ADAMTS16: variants seen among roughly 807,000 people sequenced by gnomAD.
ADAMTS16 encodes the protein ADAM metallopeptidase with thrombospondin type 1 motif 16.
A neutral mutation model predicts 145.8 loss-of-function variants in ADAMTS16; 94 were observed. The ratio of observed to expected loss-of-function variants is 0.64; its 90% CI spans 0.55 to 0.77. ADAMTS16 has a LOEUF of 0.77. ADAMTS16 is among the 30% of genes least tolerant of loss of function. The pLI, the probability that ADAMTS16 is intolerant of heterozygous loss-of-function variation, is 0.00. For missense variants in ADAMTS16, 1,585 were observed against 1,591.5 expected (o/e 1.00, Z 0.07); for synonymous variants, 659 against 604.3 (o/e 1.09, Z -1.33).
chr5:5,302,393 A>C (rs543778055), intron 18 of ADAMTS16, among the ~76,000 whole-genome samples: 111 of 152,336 alleles, frequency 7.3e-4, no homozygotes, highest in Non-Finnish European at 1.3e-3. Context: ...AATGCCTGAT[A>C]ACTTACGCAA....
chr5:5,146,092 C>G, intron 2 of ADAMTS16, 38 bp from the exon 3 acceptor site: 1 of 1,558,096 alleles, frequency 6.4e-7, no homozygotes, highest in Admixed American at 1.7e-5. Flanking sequence ...CTCGGAATTC[C>G]GAAATGACTC....
chr5:5,225,961 C>T (rs1181144067), intron 11 of ADAMTS16, among the ~76,000 whole-genome samples: 5 of 120,524 alleles, frequency 4.1e-5, no homozygotes, highest in African/African-American at 1.4e-4. Context: ...CAACAGAGCT[C>T]TGTTTTAGGG....
At position 5,232,280 on chromosome 5, in the gene ADAMTS16, C is replaced by T. The variant is rs1204116267; in HGVS notation, c.1702-88C>T. 6.6e-6 allele frequency: 10 copies of T among 1,508,810 alleles called. No homozygotes were observed. The Admixed American group carries it at 1.4e-4, about 21-fold the overall frequency. 93.5% of individuals were successfully genotyped at this position (1,508,810 alleles called of 1,614,324 possible). ...ATGTCTGCATAGTTTACAAAATTCC[C>T]CACTGCTCAGCCTTATAGCAGTGAT... On this transcript the variant is annotated intron_variant, in intron 11 of 22. Coordinates refer to ENST00000274181, the MANE Select transcript of ADAMTS16 (RefSeq NM_139056.4).
intron 10 of ADAMTS16, among the ~76,000 whole-genome samples, chr5:5,219,900 A>G (rs115743672): frequency 0.01 from 1,539 of 152,318 alleles, 33 homozygotes; most frequent in African/African-American, 0.034. Context: ...CCCCAAAACT[A>G]AAACCTAAGA....
rs561266899 is a variant in ADAMTS16, at chr5:5,155,479, G to C, written c.501+9024G>C. 5.9e-5 allele frequency among the ~76,000 whole-genome samples: 9 copies of C among 152,332 alleles called. No individual in the cohort carries two copies. The South Asian group carries it at 1.9e-3, about 32-fold the overall frequency. ...CATTTGAGTACTGAAAAATTAAACA[G>C]AGAATATCAAAGCACCCTAGACAAC... On this transcript the variant is annotated intron_variant, in intron 3 of 22. Coordinates refer to ENST00000274181, the MANE Select transcript of ADAMTS16 (RefSeq NM_139056.4).
intron 9 of ADAMTS16, among the ~76,000 whole-genome samples, chr5:5,208,114 T>C (rs1035134907): frequency 2.0e-5 from 3 of 152,352 alleles, no homozygotes; most frequent in African/African-American, 7.2e-5. Context: ...TCTTCCCTAA[T>C]CTCTGGTATA....
At chr5:5,282,089 G>C (rs1051596863) in intron 18 of ADAMTS16, among the ~76,000 whole-genome samples, 3 of 147,296 alleles carry the variant, frequency 2.0e-5, no homozygotes, top group African/African-American at 7.5e-5. Context: ...ACCCTCATGA[G>C]TGGCTGGTTT....
chr5:5,191,155 C>T (rs1210388759), intron 7 of ADAMTS16, among the ~76,000 whole-genome samples: 1 of 152,176 alleles, frequency 6.6e-6, no homozygotes, highest in Non-Finnish European at 1.5e-5. Flanking sequence ...GACTTCTGCC[C>T]ATGTGTTTTC....
intron 3 of ADAMTS16, among the ~76,000 whole-genome samples, chr5:5,168,640 A>T (rs1434026551): frequency 7.0e-5 from 7 of 100,040 alleles, no homozygotes; most frequent in Admixed American, 2.2e-4. Flanking sequence ...TATAATATAT[A>T]TAATTATATT....
rs114190883 is a variant in ADAMTS16 at position 5,318,222 on chromosome 5, A to C, written c.3500A>C (p.Gln1167Pro). 1.6e-3 allele frequency: 2,478 copies of C among 1,571,540 alleles called. 32 individuals carry two copies. In the African/African-American group the frequency reaches 0.029, roughly 19 times the overall value. ...GRPASGCLLH[Q>P]KPSASLACNT... ...CCGGCCTCAGGCTGCCTCCTGCACC[A>C]GAAGCCTTCGGCCTCCCTGGCCTGC... The change falls in exon 22 of 23, where the codon CAG (glutamine) becomes CCG (proline). Residue 1167 changes from glutamine (Q) to proline (P), a missense_variant. Physicochemically the swap from Gln to Pro is moderately conservative, Grantham distance 76 (BLOSUM62 -1). Transcript: ENST00000274181.
intron 17 of ADAMTS16, among the ~76,000 whole-genome samples, chr5:5,257,198 G>T (rs1050970155): frequency 6.6e-6 from 1 of 152,128 alleles, no homozygotes; most frequent in African/African-American, 2.4e-5. Context: ...TTGCCCTTAA[G>T]TAATACATAA....
At chr5:5,142,563 C>G (rs913345652) in intron 2 of ADAMTS16, among the ~76,000 whole-genome samples, 2 of 152,216 alleles carry the variant, frequency 1.3e-5, no homozygotes, top group Non-Finnish European at 2.9e-5. Context: ...CTGTTTCCCT[C>G]TGACCTGGAG....
chr5:5,237,138 G>A (rs1737133186), intron 14 of ADAMTS16, 39 bp downstream of exon 14: 1 of 1,601,028 alleles, frequency 6.2e-7, no homozygotes, highest in African/African-American at 1.3e-5. Flanking sequence ...AATGATTCCG[G>A]ACAGTCTGCT....
At chr5:5,305,516 CCACACACTCACACATCCCACACCAT>C (rs1740103294) in intron 20 of ADAMTS16, among the ~76,000 whole-genome samples, 1 of 149,756 alleles carries the variant, frequency 6.7e-6, no homozygotes, top group African/African-American at 2.5e-5. Context: ...ACATCCCATA[CCACACACTCACACATCCCACACCAT>C]ACACACACAC....
rs1192266238 is a variant in ADAMTS16 at position 5,237,600 on chromosome 5, T to A, written c.2154+501T>A. 7.2e-5 allele frequency among the ~76,000 whole-genome samples: 11 copies of A among 152,130 alleles called. No homozygotes were observed. In the East Asian group the frequency reaches 2.1e-3, roughly 29 times the overall value. ...AGTTGGGATTTTTATCCTGTGTCCA[T>A]GTAGATAGAGCAGGCATTGAGTCTG... On this transcript the variant is annotated intron_variant, in intron 14 of 22. Coordinates refer to ENST00000274181, the MANE Select transcript of ADAMTS16 (RefSeq NM_139056.4).
Position 5,318,188 on chromosome 5 carries a change from G to A in ADAMTS16, c.3466G>A (p.Gly1156Arg), listed in dbSNP as rs1291169744. Residue 1156 changes from glycine (G) to arginine (R), a missense_variant, in exon 22 of 23, where the codon GGG (glycine) becomes AGG (arginine). Physicochemically the swap from Gly to Arg is moderately radical, Grantham distance 125. This residue lies in a region of ADAMTS16 where 834 missense variants were observed against 811.7 expected (regional missense o/e 1.03). Transcript: ENST00000274181. ...VQTRSVQCLAGGRPASGCLLH... is the reference protein window; with the variant it reads ...VQTRSVQCLARGRPASGCLLH... The stretch of plus-strand genomic sequence containing the variant: ...GACGAGGTCCGTGCAGTGCCTGGCT[G>A]GGGGCCGGCCGGCCTCAGGCTGCCT... 2 of 1,560,142 alleles carry A rather than the reference G, an allele frequency of 1.3e-6. No homozygotes were observed. Among genetic ancestry groups the A allele is most frequent in the Non-Finnish European group, 1.7e-6 (2 of 1,149,010 alleles).
intron 9 of ADAMTS16, 37 bp from the exon 10 acceptor site, chr5:5,209,056 G>C (rs549677303): frequency 1.9e-6 from 3 of 1,596,500 alleles, no homozygotes; most frequent in East Asian, 2.2e-5. Context: ...GTTACTCTAC[G>C]GGCAGTTACT....
chr5:5,262,846 G>T, intron 18 of ADAMTS16, 63 bp downstream of exon 18: 1 of 1,590,754 alleles, frequency 6.3e-7, no homozygotes. Context: ...AGCGAGTCTT[G>T]CAGCTCCTGA....
chr5:5,162,347 C>T (rs1229824132), intron 3 of ADAMTS16, among the ~76,000 whole-genome samples: 1 of 152,150 alleles, frequency 6.6e-6, no homozygotes, highest in Non-Finnish European at 1.5e-5. Context: ...CATTATCTAA[C>T]CTGCCAAAAG....
Sources: allele counts gnomAD v4.1 joint callset (sites outside exome capture counted in the v4.1 genomes callset), GRCh38; gene constraint gnomAD v4.1.1; regional missense constraint gnomAD v4.1.1; transcripts MANE v1.5; gene names NCBI Gene and HGNC (gene_info 2026-07-23, HGNC 2026-07-21).